NLK: variants seen among roughly 807,000 people sequenced by gnomAD.
NLK encodes serine/threonine-protein kinase NLK.
A neutral mutation model predicts 59.0 loss-of-function variants in NLK; 11 were observed. The observed-to-expected ratio is 0.19, with a 90% CI of 0.12 to 0.31. The LOEUF (loss-of-function observed/expected upper bound fraction) is 0.31. Among genes scored for constraint, NLK ranks in the 10% least tolerant of loss-of-function variants. The probability of loss-of-function intolerance (pLI) is 1.00; values close to 1 mark genes in which losing one functional copy is unlikely to be tolerated. For synonymous variants in NLK, 235 were observed against 235.9 expected, an observed-to-expected ratio of 1.00 and a Z score of 0.03; for missense variants, 410 against 661.1, an observed-to-expected ratio of 0.62 and a Z score of 4.16.
chr17:28,156,909 C>T (rs533688417), intron 3 of NLK, among the ~76,000 whole-genome samples: 100 of 152,282 alleles, frequency 6.6e-4, no homozygotes, highest in Admixed American at 1.2e-3. Context: ...CCAGAGATTG[C>T]AAAACCGTGG....
chr17:28,069,580 G>C (rs1328611922), intron 1 of NLK, among the ~76,000 whole-genome samples: 1 of 152,160 alleles, frequency 6.6e-6, no homozygotes, highest in African/African-American at 2.4e-5. Context: ...ATTTTAGTGG[G>C]TGTGAAGTAG....
At chr17:28,197,467 T>TC (rs1567744981), downstream of NLK, among the ~76,000 whole-genome samples, 2 of 132,206 alleles carry the variant, frequency 1.5e-5, no homozygotes, top group African/African-American at 6.1e-5. Flanking sequence ...AGATTCTGTC[T>TC]CAAAAAAAAA....
At chr17:28,111,896 G>GTGGTGTGTGTGT (rs1394476582) in intron 1 of NLK, among the ~76,000 whole-genome samples, 10 of 67,536 alleles carry the variant, frequency 1.5e-4, no homozygotes, top group Non-Finnish European at 1.9e-4. Context: ...GTGTGTGTGT[G>GTGGTGTGTGTGT]GTGTGTGTGT....
At chr17:28,079,250 G>A (rs190624769) in intron 1 of NLK, among the ~76,000 whole-genome samples, 5 of 152,172 alleles carry the variant, frequency 3.3e-5, no homozygotes, top group East Asian at 1.9e-4. Context: ...TGTATATACC[G>A]TATTTTCTTT....
chr17:28,205,665 A>G, the NLK span, among the ~76,000 whole-genome samples: 5 of 152,054 alleles, frequency 3.3e-5, no homozygotes, highest in Non-Finnish European at 7.4e-5. Flanking sequence ...GTTGACCTCT[A>G]TCTCCTCATT....
At chr17:28,046,270 T>A (rs1909047873) in intron 1 of NLK, among the ~76,000 whole-genome samples, 1 of 152,266 alleles carries the variant, frequency 6.6e-6, no homozygotes, top group South Asian at 2.1e-4. Context: ...TTATCAGTAT[T>A]GGACAGTTGT....
At chr17:28,170,480 C>T (rs963419593) in intron 6 of NLK, among the ~76,000 whole-genome samples, 2 of 152,090 alleles carry the variant, frequency 1.3e-5, no homozygotes, top group Non-Finnish European at 2.9e-5. Flanking sequence ...CTATGCTATA[C>T]GTTTTAACTG....
chr17:28,203,887 T>A, the NLK span, among the ~76,000 whole-genome samples: 1 of 152,194 alleles, frequency 6.6e-6, no homozygotes, highest in Non-Finnish European at 1.5e-5. Flanking sequence ...TGGGGCTGTC[T>A]TGTATCCAGG....
chr17:28,073,135 G>C (rs1282920200), intron 1 of NLK, among the ~76,000 whole-genome samples: 2 of 151,800 alleles, frequency 1.3e-5, no homozygotes, highest in African/African-American at 2.4e-5. Flanking sequence ...AGTCACAAAG[G>C]GTGCAGACTT....
At chr17:28,165,763 G>A (rs1191283141) in intron 5 of NLK, among the ~76,000 whole-genome samples, 4 of 152,066 alleles carry the variant, frequency 2.6e-5, no homozygotes, top group Non-Finnish European at 5.9e-5. Context: ...TTTAATAAGG[G>A]ATTTGCTTTA....
At chr17:28,060,355 A>C (rs1473455913) in intron 1 of NLK, among the ~76,000 whole-genome samples, 2 of 152,236 alleles carry the variant, frequency 1.3e-5, no homozygotes, top group Non-Finnish European at 2.9e-5. Flanking sequence ...TGCCTAAAAG[A>C]AAAAGCAAAA....
chr17:28,184,066 C>T (rs1465838938), intron 7 of NLK, among the ~76,000 whole-genome samples: 1 of 152,202 alleles, frequency 6.6e-6, no homozygotes. Flanking sequence ...GTCATTAAAG[C>T]CACCTCCCTG....
chr17:28,165,021 C>A (rs996129571), intron 5 of NLK, among the ~76,000 whole-genome samples: 2 of 152,052 alleles, frequency 1.3e-5, no homozygotes, highest in Admixed American at 1.3e-4. Context: ...CTAAAAATAG[C>A]TGATGTTGTA....
In NLK at chr17:28,179,872, G is replaced by GTT. The variant is rs34411493; in HGVS notation, c.1150-5283_1150-5282dup. Among the ~76,000 whole-genome samples the GTT allele has an allele frequency of 5.8e-3, 460 of 79,334 alleles. 5 individuals carry two copies. The highest frequency in any genetic ancestry group is 8.1e-3 in the African/African-American group (162 of 19,910). 52.0% of individuals were successfully genotyped at this position (79,334 alleles called of 152,430 possible). A position where few individuals can be genotyped will look rare whatever the true frequency, so the allele number is the denominator to read the frequency against. On this transcript the variant is annotated intron_variant, in intron 7 of 10. Coordinates refer to ENST00000407008, the MANE Select transcript of NLK (RefSeq NM_016231.5). ...TAGGGCATATTTCTAAGCATTCTTG[G>GTT]TTTTTTTTTTTTTTTTTTTTTTTTT...
At chr17:28,128,507 G>A (rs1386822072) in intron 2 of NLK, among the ~76,000 whole-genome samples, 1 of 152,064 alleles carries the variant, frequency 6.6e-6, no homozygotes, top group African/African-American at 2.4e-5. Context: ...AAGACGTTTT[G>A]CCCAAAGACT....
At chr17:28,088,944 C>G (rs1480311335) in intron 1 of NLK, among the ~76,000 whole-genome samples, 3 of 152,104 alleles carry the variant, frequency 2.0e-5, no homozygotes, top group African/African-American at 7.2e-5. Flanking sequence ...TCTCCTTTTT[C>G]CCATACAAAG....
chr17:28,070,881 C>G (rs1420037614), intron 1 of NLK, among the ~76,000 whole-genome samples: 1 of 152,166 alleles, frequency 6.6e-6, no homozygotes, highest in Non-Finnish European at 1.5e-5. Context: ...AATCAATTGA[C>G]TATATAAATA....
chr17:28,089,858 A>G (rs995850645), intron 1 of NLK, among the ~76,000 whole-genome samples: 1 of 152,014 alleles, frequency 6.6e-6, no homozygotes, highest in Admixed American at 6.6e-5. Context: ...ATCTGTTCAA[A>G]TCTTCTCTCT....
At chr17:28,119,416 A>G (rs919962742) in intron 1 of NLK, among the ~76,000 whole-genome samples, 2 of 152,216 alleles carry the variant, frequency 1.3e-5, no homozygotes, top group African/African-American at 4.8e-5. Flanking sequence ...GCCTGTGTCA[A>G]GTATTTTCAG....
Sources: gnomAD v4.1 joint callset for allele counts (sites outside exome capture counted in the v4.1 genomes callset) on GRCh38, gnomAD v4.1.1 for gene constraint, MANE v1.5 for transcripts, NCBI Gene and HGNC (gene_info 2026-07-23, HGNC 2026-07-21) for gene names.